SLC1A6: variants seen among roughly 807,000 people sequenced by gnomAD.
The protein encoded by SLC1A6 is solute carrier family 1 member 6.
SLC1A6 carries 15 observed loss-of-function variants against 42.1 expected under a neutral mutation model. The observed-to-expected ratio is 0.36, with a 90% CI of 0.24 to 0.55. The LOEUF is 0.55. SLC1A6 is among the 20% of genes least tolerant of loss of function. The probability of loss-of-function intolerance (pLI) is 0.88; values close to 1 mark genes in which losing one functional copy is unlikely to be tolerated. For missense variants in SLC1A6, 542 were observed against 772.5 expected (o/e 0.70, Z 3.54); for synonymous variants, 317 against 319.7 (o/e 0.99, Z 0.09).
intron 1 of SLC1A6, among the ~76,000 whole-genome samples, chr19:14,993,064 C>T (rs1258698966): frequency 6.6e-6 from 1 of 152,124 alleles, no homozygotes; most frequent in Non-Finnish European, 1.5e-5. Flanking sequence ...CCAGGTCTCC[C>T]CGTCCTGATC....
Position 14,978,573 on chromosome 19 carries a change from T to C in SLC1A6, c.-8+736A>G, listed in dbSNP as rs536795865. On this transcript the variant is annotated intron_variant, in intron 1 of 9. Coordinates refer to ENST00000594383, the MANE Select transcript of SLC1A6 (RefSeq NM_005071.3). ...TCCATGCATGCAGTCATACAATCCCTACACACACACACTTCCCACATTCAT... is the reference window on the plus strand; with the variant it reads ...TCCATGCATGCAGTCATACAATCCCCACACACACACACTTCCCACATTCAT... Among the ~76,000 whole-genome samples, 4 of 151,552 alleles carry C rather than the reference T, an allele frequency of 2.6e-5. No homozygotes were observed. In the South Asian group the frequency reaches 6.3e-4, roughly 24 times the overall value.
At chr19:15,010,402 G>A in intron 1 of SLC1A6, 1 of 439,916 alleles carries the variant, frequency 2.3e-6, no homozygotes, top group East Asian at 6.9e-5. Context: ...CGGACACCCT[G>A]AAGCTGAAAG....
chr19:15,003,885 G>C (rs1337182965), intron 1 of SLC1A6, among the ~76,000 whole-genome samples: 1 of 152,304 alleles, frequency 6.6e-6, no homozygotes, highest in Admixed American at 6.5e-5. Flanking sequence ...GCCAGGTGTG[G>C]TGGTTCATGC....
At chr19:14,950,491 G>T in intron 9 of SLC1A6, 101 bp from the exon 10 acceptor site, 2 of 780,312 alleles carry the variant, frequency 2.6e-6, no homozygotes, top group Non-Finnish European at 4.0e-6. Flanking sequence ...GAGTCAGAGG[G>T]CTCCCATTGC....
upstream of SLC1A6, among the ~76,000 whole-genome samples, chr19:14,981,640 C>T (rs1274737502): frequency 6.6e-6 from 1 of 152,126 alleles, no homozygotes; most frequent in East Asian, 1.9e-4. Flanking sequence ...GACTCAGCAG[C>T]GAAGACAACA....
chr19:15,001,514 G>GAGGTGGGAGATGGAAGGAA (rs1160449229), intron 1 of SLC1A6, among the ~76,000 whole-genome samples: 1 of 152,204 alleles, frequency 6.6e-6, no homozygotes, highest in East Asian at 1.9e-4. Flanking sequence ...TTTGGACAGA[G>GAGGTGGGAGATGGAAGGAA]AGGTGGGAGA....
At chr19:14,964,151 C>T (rs961584945) in intron 5 of SLC1A6, 168 bp downstream of exon 5, 2 of 650,384 alleles carry the variant, frequency 3.1e-6, no homozygotes, top group African/African-American at 3.6e-5. Flanking sequence ...CCCTAACCCC[C>T]CCAGATCACC....
At chr19:14,971,925 C>T in intron 2 of SLC1A6, 51 bp from the exon 3 acceptor site, 1 of 1,599,352 alleles carries the variant, frequency 6.3e-7, no homozygotes, top group Non-Finnish European at 8.5e-7. Context: ...CGCTCAGCCC[C>T]AGGCAGGGTC....
At chr19:15,002,713 A>C (rs2045877549) in intron 1 of SLC1A6, among the ~76,000 whole-genome samples, 1 of 152,184 alleles carries the variant, frequency 6.6e-6, no homozygotes, top group Non-Finnish European at 1.5e-5. Context: ...CCAGCTAGTA[A>C]AGAACACAGA....
Position 14,964,152 on chromosome 19 carries a change from C to A in SLC1A6, c.591+167G>T, listed in dbSNP as rs376976002. The A allele has an allele frequency of 3.5e-5, 23 of 650,714 alleles. No individual in the cohort carries two copies. The African/African-American group carries it at 4.0e-4, about 11-fold the overall frequency. 40.3% of individuals were successfully genotyped at this position (650,714 alleles called of 1,614,324 possible). ...ACCTAAGTGCTTCTCCCTAACCCCC[C>A]CAGATCACCATGGAAAATACATCCT... is the stretch of plus-strand genomic sequence containing the variant. On this transcript the variant is annotated intron_variant, in intron 5 of 9. Transcript: ENST00000594383.
rs201919285 is a variant in SLC1A6 at position 14,990,795 on chromosome 19, A to AG, written c.7-17879_7-17878insC. 2.4e-3 allele frequency among the ~76,000 whole-genome samples: 350 copies of AG among 146,384 alleles called. 6 individuals are homozygous for AG. Among genetic ancestry groups the AG allele is most frequent in the East Asian group, 0.015 (71 of 4,760 alleles). On this transcript the variant is annotated intron_variant, in intron 1 of 8. Transcript: ENST00000430939. ...AAAAAACAAAACAAAACAAAAAAAA[A>AG]AAAAAACGAATAATTTCAAGAGATC...
intron 1 of SLC1A6, among the ~76,000 whole-genome samples, chr19:14,996,913 G>C (rs2045850115): frequency 6.6e-6 from 1 of 152,106 alleles, no homozygotes. Flanking sequence ...GGATTTTTGT[G>C]GATATCAGTG....
chr19:15,009,461 T>C (rs1232915429), intron 1 of SLC1A6, among the ~76,000 whole-genome samples: 1 of 151,876 alleles, frequency 6.6e-6, no homozygotes. Context: ...TGCAGCAACA[T>C]GGAGGGAACT....
chr19:15,004,766 T>A (rs1035449428), intron 1 of SLC1A6, among the ~76,000 whole-genome samples: 1 of 152,138 alleles, frequency 6.6e-6, no homozygotes, highest in African/African-American at 2.4e-5. Context: ...TTATACAAGG[T>A]GCATACCTTG....
At chr19:14,973,763 GT>G (rs1327082580) in intron 1 of SLC1A6, 2 of 152,382 alleles carry the variant, frequency 1.3e-5, no homozygotes, top group African/African-American at 4.8e-5. Flanking sequence ...AATTAGGACG[GT>G]TTTGTGTCCA....
chr19:14,995,548 G>A (rs556405236), intron 1 of SLC1A6, among the ~76,000 whole-genome samples: 13 of 151,854 alleles, frequency 8.6e-5, no homozygotes, highest in Non-Finnish European at 1.2e-4. Flanking sequence ...AATGCGAAGC[G>A]AACAGATGCA....
chr19:15,005,858 T>G (rs1043936040), intron 1 of SLC1A6, among the ~76,000 whole-genome samples: 2 of 152,228 alleles, frequency 1.3e-5, no homozygotes, highest in Non-Finnish European at 2.9e-5. Flanking sequence ...AGATCTGGCA[T>G]GAGGAAGCTT....
At chr19:14,958,593 C>A (rs1350550736) in intron 6 of SLC1A6, among the ~76,000 whole-genome samples, 1 of 152,086 alleles carries the variant, frequency 6.6e-6, no homozygotes, top group Non-Finnish European at 1.5e-5. Context: ...GGAGTAGTTG[C>A]TGAGTCTTCT....
chr19:14,996,528 T>TTTCTTCTTCTTCCTCTTC (rs2045846947), intron 1 of SLC1A6, among the ~76,000 whole-genome samples: 2 of 125,952 alleles, frequency 1.6e-5, no homozygotes, highest in South Asian at 3.1e-4. Context: ...CCTCCTCCTC[T>TTTCTTCTTCTTCCTCTTC]TTCTTCTTCT....
Sources: allele counts gnomAD v4.1 joint callset (sites outside exome capture counted in the v4.1 genomes callset), GRCh38; gene constraint gnomAD v4.1.1; transcripts MANE v1.5; gene names NCBI Gene and HGNC (gene_info 2026-07-23, HGNC 2026-07-21).